The following RAB3C variants were observed in gnomAD, a reference collection of about 807,000 sequenced individuals.
RAB3C encodes RAB3C, member RAS oncogene family, also known as ras-related protein Rab-3C.
RAB3C carries 17 observed loss-of-function variants against 26.4 expected under a neutral mutation model. The ratio of observed to expected loss-of-function variants is 0.64; its 90% CI spans 0.44 to 0.97. The LOEUF (loss-of-function observed/expected upper bound fraction) is 0.97, where lower values mean the gene tolerates loss of function less well. Ranked by LOEUF, RAB3C falls within the 50% of genes least tolerant of loss-of-function variation. The probability of loss-of-function intolerance (pLI) is 0.00; values close to 1 mark genes in which losing one functional copy is unlikely to be tolerated. For synonymous variants in RAB3C, 91 were observed against 95.9 expected (o/e 0.95, Z 0.30); for missense variants, 242 against 281.9 (o/e 0.86, Z 1.01).
At chr5:58,740,018 C>CT (rs1001556923) in intron 3 of RAB3C, among the ~76,000 whole-genome samples, 3 of 152,148 alleles carry the variant, frequency 2.0e-5, no homozygotes, top group Admixed American at 6.5e-5. Context: ...GTAATTAAGA[C>CT]TTTTTTGGGC....
chr5:58,652,226 A>G (rs1747668486), intron 2 of RAB3C, among the ~76,000 whole-genome samples: 1 of 151,680 alleles, frequency 6.6e-6, no homozygotes, highest in Admixed American at 6.6e-5. Flanking sequence ...AATGTTCTCT[A>G]AGGAATTGTC....
intron 2 of RAB3C, among the ~76,000 whole-genome samples, chr5:58,666,340 A>G (rs993016893): frequency 1.3e-5 from 2 of 152,178 alleles, no homozygotes; most frequent in African/African-American, 4.8e-5. Context: ...GAGAAGGTGA[A>G]CAAGCTATTA....
intron 4 of RAB3C, among the ~76,000 whole-genome samples, chr5:58,831,329 T>C (rs1443283419): frequency 1.3e-5 from 2 of 152,206 alleles, no homozygotes; most frequent in East Asian, 1.9e-4. Context: ...TGCTAGAAAA[T>C]AACTAGATGA....
intron 2 of RAB3C, among the ~76,000 whole-genome samples, chr5:58,723,695 T>A (rs1195428353): frequency 6.6e-6 from 1 of 151,834 alleles, no homozygotes; most frequent in African/African-American, 2.4e-5. Context: ...AATTTCATTT[T>A]GATGGTAAAG....
At chr5:58,658,458 A>C (rs930420572) in intron 2 of RAB3C, among the ~76,000 whole-genome samples, 4 of 152,242 alleles carry the variant, frequency 2.6e-5, no homozygotes, top group African/African-American at 9.6e-5. Flanking sequence ...GAAATGAGAA[A>C]GGAGAACTTT....
chr5:58,734,138 C>T (rs979004745), intron 3 of RAB3C, among the ~76,000 whole-genome samples: 4 of 152,224 alleles, frequency 2.6e-5, no homozygotes, highest in South Asian at 4.2e-4. Flanking sequence ...ATTTCTGTGA[C>T]ATTCAGGGTA....
intron 2 of RAB3C, among the ~76,000 whole-genome samples, chr5:58,654,238 G>A (rs1052482660): frequency 6.6e-6 from 1 of 152,082 alleles, no homozygotes; most frequent in Non-Finnish European, 1.5e-5. Flanking sequence ...GTATTGCTTG[G>A]AGTGTGCAAT....
At chr5:58,627,723 C>T (rs1747089892) in intron 2 of RAB3C, among the ~76,000 whole-genome samples, 1 of 152,072 alleles carries the variant, frequency 6.6e-6, no homozygotes. Context: ...AGCTAAACAG[C>T]GAGATAAGAG....
intron 1 of RAB3C, among the ~76,000 whole-genome samples, chr5:58,611,671 T>C (rs964014409): frequency 6.6e-6 from 1 of 152,146 alleles, no homozygotes; most frequent in Non-Finnish European, 1.5e-5. Context: ...ATTTTTCCTA[T>C]TCTGTAGGTT....
chr5:58,764,902 C>A (rs553481098), intron 3 of RAB3C, among the ~76,000 whole-genome samples: 1 of 152,096 alleles, frequency 6.6e-6, no homozygotes, highest in Non-Finnish European at 1.5e-5. Flanking sequence ...TATGATCTTT[C>A]TTATAACAGA....
chr5:58,665,661 G>GA (rs1482659802), intron 2 of RAB3C, among the ~76,000 whole-genome samples: 2 of 151,998 alleles, frequency 1.3e-5, no homozygotes, highest in Non-Finnish European at 2.9e-5. Context: ...ACTTGTTTTG[G>GA]AAAAAATCAT....
chr5:58,740,551 G>T (rs1257906953), intron 3 of RAB3C, among the ~76,000 whole-genome samples: 2 of 152,186 alleles, frequency 1.3e-5, no homozygotes, highest in Non-Finnish European at 2.9e-5. Flanking sequence ...GCCAGGCGTG[G>T]TGGCTCACGC....
In RAB3C at chr5:58,835,159, C is replaced by T. The variant is rs1005278242; in HGVS notation, c.496+9997C>T. ...CACTTCCTCTTTGTTTTTTATGCTGCCCTTCTTCTAAACCTCTACTTATTT... is the reference window on the plus strand; with the variant it reads ...CACTTCCTCTTTGTTTTTTATGCTGTCCTTCTTCTAAACCTCTACTTATTT... On this transcript the variant is annotated intron_variant, in intron 4 of 4. Transcript: ENST00000282878. Among the ~76,000 whole-genome samples the T allele has an allele frequency of 3.9e-5, 6 of 152,090 alleles. No individual in the cohort carries two copies. The South Asian group carries it at 6.2e-4, about 16-fold the overall frequency.
At chr5:58,830,397 G>T (rs1743587443) in intron 4 of RAB3C, among the ~76,000 whole-genome samples, 1 of 152,116 alleles carries the variant, frequency 6.6e-6, no homozygotes, top group African/African-American at 2.4e-5. Context: ...TGCATTCTGT[G>T]GGATATTTCT....
chr5:58,792,696 G>T (rs7702475), intron 3 of RAB3C, among the ~76,000 whole-genome samples: 1 of 151,698 alleles, frequency 6.6e-6, no homozygotes, highest in Admixed American at 6.6e-5. Context: ...AGCTATTTTC[G>T]TTAATAATTG....
At chr5:58,631,769 A>T (rs536194923) in intron 2 of RAB3C, among the ~76,000 whole-genome samples, 1 of 152,228 alleles carries the variant, frequency 6.6e-6, no homozygotes, top group Non-Finnish European at 1.5e-5. Flanking sequence ...TTGCAAAGCA[A>T]TTAACCTTCA....
intron 2 of RAB3C, among the ~76,000 whole-genome samples, chr5:58,621,696 C>T (rs1746943876): frequency 1.3e-5 from 2 of 152,206 alleles, no homozygotes. Flanking sequence ...CAGCCTCAGC[C>T]TCCAGAGTAG....
intron 2 of RAB3C, among the ~76,000 whole-genome samples, chr5:58,674,018 C>G (rs1197158588): frequency 1.3e-5 from 2 of 152,084 alleles, no homozygotes; most frequent in Non-Finnish European, 2.9e-5. Flanking sequence ...GGAAGCAGCA[C>G]AATGATAGTA....
At chr5:58,838,208 G>A (rs1345346466) in intron 4 of RAB3C, among the ~76,000 whole-genome samples, 11 of 151,908 alleles carry the variant, frequency 7.2e-5, no homozygotes, top group African/African-American at 1.7e-4. Flanking sequence ...GTGAAACCCC[G>A]TCTCTACTAA....
Sources: allele counts gnomAD v4.1 joint callset (sites outside exome capture counted in the v4.1 genomes callset), GRCh38; gene constraint gnomAD v4.1.1; transcripts MANE v1.5; gene names NCBI Gene and HGNC (gene_info 2026-07-23, HGNC 2026-07-21).